LRRC8D: variants seen among roughly 807,000 people sequenced by gnomAD.
LRRC8D encodes leucine rich repeat containing 8 VRAC subunit D, also known as volume-regulated anion channel subunit LRRC8D.
LRRC8D carries 20 observed loss-of-function variants against 55.8 expected under a neutral mutation model. The observed-to-expected ratio is 0.36, with a 90% CI of 0.25 to 0.52. The LOEUF (loss-of-function observed/expected upper bound fraction) is 0.52. Among genes scored for constraint, LRRC8D ranks in the 20% least tolerant of loss-of-function variants. The pLI is 0.93. For synonymous variants in LRRC8D, 352 were observed against 377.0 expected, an observed-to-expected ratio of 0.93 and a Z score of 0.77; for missense variants, 651 against 1,030.8, an observed-to-expected ratio of 0.63 and a Z score of 5.05.
chr1:89,930,381 A>T (rs1221834965), intron 2 of LRRC8D, among the ~76,000 whole-genome samples: 1 of 152,044 alleles, frequency 6.6e-6, no homozygotes, highest in Admixed American at 6.6e-5. Context: ...TTTAGTAGAG[A>T]TGGGGTTTCA....
At chr1:89,868,836 G>A (rs1309233077) in intron 2 of LRRC8D, among the ~76,000 whole-genome samples, 1 of 152,176 alleles carries the variant, frequency 6.6e-6, no homozygotes, top group Non-Finnish European at 1.5e-5. Context: ...TTAGTCTGCT[G>A]CAGTAATTGG....
intron 2 of LRRC8D, among the ~76,000 whole-genome samples, chr1:89,928,935 C>G (rs768521303): frequency 3.3e-5 from 5 of 152,154 alleles, no homozygotes; most frequent in Non-Finnish European, 7.3e-5. Context: ...GGTAGCAATT[C>G]AGGTTAATAA....
rs1413091694 is a variant in LRRC8D at position 89,849,999 on chromosome 1, T to A, written c.-3+6217T>A. Among the ~76,000 whole-genome samples, 4 of 152,198 alleles carry A rather than the reference T, an allele frequency of 2.6e-5. No individual in the cohort carries two copies. In the East Asian group the frequency reaches 7.7e-4, roughly 29 times the overall value. On this transcript the variant is annotated intron_variant, in intron 2 of 2. Coordinates refer to ENST00000337338, the MANE Select transcript of LRRC8D (RefSeq NM_001134479.2). ...AATGTTGTCTCTCCTCATTTTCTTT[T>A]ATTAACTTCAAAGGTTACTCTTATT... is the stretch of plus-strand genomic sequence containing the variant.
chr1:89,872,786 C>A (rs1490354433), intron 2 of LRRC8D, among the ~76,000 whole-genome samples: 1 of 152,142 alleles, frequency 6.6e-6, no homozygotes, highest in Non-Finnish European at 1.5e-5. Context: ...AGAACCTGCA[C>A]CACTGTGTCT....
At chr1:89,829,591 T>G (rs1005116070) in intron 1 of LRRC8D, among the ~76,000 whole-genome samples, 1 of 152,240 alleles carries the variant, frequency 6.6e-6, no homozygotes, top group Non-Finnish European at 1.5e-5. Context: ...CCTAGTAGTA[T>G]TTCTGTTACA....
chr1:89,838,165 G>T (rs1459970348), intron 1 of LRRC8D, among the ~76,000 whole-genome samples: 5 of 149,996 alleles, frequency 3.3e-5, no homozygotes, highest in Non-Finnish European at 7.4e-5. Flanking sequence ...TTTGAGACCA[G>T]CCTGGGCAAC....
At position 89,935,199 on chromosome 1, in the gene LRRC8D, C is replaced by G. The variant is rs764367233; in HGVS notation, c.2131C>G (p.Leu711Val). 4.3e-6 allele frequency: 7 copies of G among 1,614,056 alleles called. No individual in the cohort carries two copies. The highest frequency in any genetic ancestry group is 1.7e-6 in the Non-Finnish European group (2 of 1,180,028). Residue 711 changes from leucine (L) to valine (V), a missense_variant, in exon 3 of 3, where the codon CTT becomes GTT. Leu to Val is a conservative substitution (Grantham distance 32). This residue lies in a region of LRRC8D where 338 missense variants were observed against 479.4 expected (regional missense o/e 0.71). Coordinates refer to ENST00000337338, the MANE Select transcript of LRRC8D (RefSeq NM_001134479.2). ...TACCCATGTCAAAAACTTGGAGTCA[C>G]TTTATTTCTCTAACAACAAGCTCGA... is the stretch of plus-strand genomic sequence containing the variant. Reference protein sequence around the residue: ...SITHVKNLESLYFSNNKLESL... With the variant: ...SITHVKNLESVYFSNNKLESL...
At chr1:89,874,667 CATT>C (rs1662106781) in intron 2 of LRRC8D, among the ~76,000 whole-genome samples, 1 of 152,050 alleles carries the variant, frequency 6.6e-6, no homozygotes, top group Non-Finnish European at 1.5e-5. Context: ...CAAAGGATGT[CATT>C]ATTATCTAGC....
chr1:89,834,134 G>A (rs184332743), intron 1 of LRRC8D, among the ~76,000 whole-genome samples: 118 of 152,270 alleles, frequency 7.7e-4, no homozygotes, highest in Non-Finnish European at 2.9e-4. Flanking sequence ...AATAGAATAG[G>A]AATAGAAATA....
chr1:89,910,465 CTT>C (rs1234263717), intron 2 of LRRC8D, among the ~76,000 whole-genome samples: 3 of 152,186 alleles, frequency 2.0e-5, no homozygotes, highest in African/African-American at 4.8e-5. Flanking sequence ...TTTTTTAAGA[CTT>C]TACTCCTTGT....
At chr1:89,822,083 A>C (rs3893145) in intron 1 of LRRC8D, 38,773 of 152,296 alleles carry the variant, frequency 0.25, 6,059 homozygotes, top group East Asian at 0.59. Flanking sequence ...CCTTTCCGTC[A>C]CCCTTTACTA....
chr1:89,891,423 CA>C (rs1192403995), intron 2 of LRRC8D, among the ~76,000 whole-genome samples: 2 of 152,162 alleles, frequency 1.3e-5, no homozygotes, highest in Admixed American at 1.3e-4. Context: ...TGATGTCTGC[CA>C]CTCCATTATA....
At chr1:89,913,003 A>T (rs566900689) in intron 2 of LRRC8D, among the ~76,000 whole-genome samples, 45 of 152,348 alleles carry the variant, frequency 3.0e-4, no homozygotes, top group Non-Finnish European at 5.1e-4. Context: ...AACAGTCCAG[A>T]TATGAGCAGC....
At chr1:89,830,991 C>T (rs187202039) in intron 1 of LRRC8D, among the ~76,000 whole-genome samples, 6 of 151,246 alleles carry the variant, frequency 4.0e-5, no homozygotes, top group East Asian at 3.9e-4. Context: ...CTGCAACCTC[C>T]GCCTCCCGGG....
intron 2 of LRRC8D, among the ~76,000 whole-genome samples, chr1:89,872,401 G>T (rs1013494382): frequency 6.6e-6 from 1 of 152,250 alleles, no homozygotes; most frequent in East Asian, 1.9e-4. Flanking sequence ...TTGGTTAGCT[G>T]TTGGTGCTTT....
intron 2 of LRRC8D, among the ~76,000 whole-genome samples, chr1:89,899,129 G>A (rs920686087): frequency 5.9e-5 from 9 of 152,228 alleles, no homozygotes; most frequent in African/African-American, 1.7e-4. Context: ...TTCAGGTGTA[G>A]ATTCAAGGGC....
chr1:89,878,691 T>G (rs1662205805), intron 2 of LRRC8D, among the ~76,000 whole-genome samples: 1 of 152,174 alleles, frequency 6.6e-6, no homozygotes. Context: ...GAGGGCCATG[T>G]GCAGTGTCTC....
At chr1:89,824,158 C>A (rs1485984500) in intron 1 of LRRC8D, among the ~76,000 whole-genome samples, 1 of 152,098 alleles carries the variant, frequency 6.6e-6, no homozygotes, top group African/African-American at 2.4e-5. Context: ...GGACATCAAC[C>A]CCCTTCCTCC....
chr1:89,908,359 C>T (rs912559362), intron 2 of LRRC8D, among the ~76,000 whole-genome samples: 3 of 152,112 alleles, frequency 2.0e-5, no homozygotes, highest in South Asian at 2.1e-4. Flanking sequence ...TGAGGCTGAG[C>T]GAGACTAAGT....
Sources: gnomAD v4.1 joint callset for allele counts (sites outside exome capture counted in the v4.1 genomes callset) on GRCh38, gnomAD v4.1.1 for gene constraint, gnomAD v4.1.1 regional missense constraint, MANE v1.5 for transcripts, NCBI Gene and HGNC (gene_info 2026-07-23, HGNC 2026-07-21) for gene names.